The following SLC24A3 variants were observed in gnomAD, a reference collection of about 807,000 sequenced individuals.
SLC24A3 encodes the protein solute carrier family 24 member 3.
Under a neutral mutation model 75.8 loss-of-function variants are expected in SLC24A3, and 28 were observed. The ratio of observed to expected loss-of-function variants is 0.37; its 90% confidence interval spans 0.27 to 0.51. The LOEUF (loss-of-function observed/expected upper bound fraction) is 0.51. Ranked by LOEUF, SLC24A3 falls within the 20% of genes least tolerant of loss-of-function variation. The pLI is 0.94. For missense variants in SLC24A3, 663 were observed against 847.8 expected (o/e 0.78, Z 2.71); for synonymous variants, 372 against 334.1 (o/e 1.11, Z -1.24).
At chr20:19,579,900 T>C (rs907451326) in intron 3 of SLC24A3, 100 bp from the exon 4 acceptor site, 4 of 779,836 alleles carry the variant, frequency 5.1e-6, no homozygotes, top group Non-Finnish European at 8.3e-6. Context: ...GTTGAATTCA[T>C]GATGACAGAA....
At chr20:19,719,617 C>T (rs903626725) in intron 16 of SLC24A3, among the ~76,000 whole-genome samples, 1 of 152,028 alleles carries the variant, frequency 6.6e-6, no homozygotes, top group Admixed American at 6.6e-5. Flanking sequence ...AGACAAGGGA[C>T]TAGGGAAGGA....
intron 15 of SLC24A3, among the ~76,000 whole-genome samples, chr20:19,701,910 G>T (rs780949196): frequency 6.6e-6 from 1 of 152,176 alleles, no homozygotes; most frequent in Non-Finnish European, 1.5e-5. Flanking sequence ...CTCCAGTGAG[G>T]GAGGGACAGG....
intron 2 of SLC24A3, among the ~76,000 whole-genome samples, chr20:19,502,215 G>A (rs1325454716): frequency 2.0e-5 from 3 of 152,116 alleles, no homozygotes; most frequent in Non-Finnish European, 2.9e-5. Context: ...TGGAGCTTGG[G>A]TCCCAGAGCA....
intron 2 of SLC24A3, among the ~76,000 whole-genome samples, chr20:19,415,091 G>A (rs190785670): frequency 1.3e-5 from 2 of 151,878 alleles, no homozygotes; most frequent in East Asian, 1.9e-4. Context: ...TGTGTATATC[G>A]AGCTTTAGAG....
At chr20:19,218,429 C>G (rs578244180) in intron 1 of SLC24A3, among the ~76,000 whole-genome samples, 46 of 152,318 alleles carry the variant, frequency 3.0e-4, no homozygotes, top group Non-Finnish European at 5.9e-4. Context: ...CATGCTGCTG[C>G]GTTTTCCAGC....
chr20:19,519,943 A>G (rs1324807488), intron 3 of SLC24A3, among the ~76,000 whole-genome samples: 2 of 152,164 alleles, frequency 1.3e-5, no homozygotes, highest in Admixed American at 6.5e-5. Context: ...TAAGAGATCA[A>G]ACTCCACAGC....
At chr20:19,480,814 G>A (rs1188341162) in intron 2 of SLC24A3, among the ~76,000 whole-genome samples, 3 of 152,160 alleles carry the variant, frequency 2.0e-5, no homozygotes, top group Non-Finnish European at 2.9e-5. Flanking sequence ...GAATATTTGG[G>A]TCCTGGGACA....
intron 1 of SLC24A3, among the ~76,000 whole-genome samples, chr20:19,254,133 G>A (rs983441569): frequency 5.3e-5 from 8 of 152,156 alleles, no homozygotes; most frequent in Admixed American, 3.9e-4. Context: ...AAATAATCAC[G>A]CCTGTGCCCA....
intron 8 of SLC24A3, among the ~76,000 whole-genome samples, chr20:19,668,730 G>A (rs1270528834): frequency 6.6e-6 from 1 of 152,154 alleles, no homozygotes; most frequent in Non-Finnish European, 1.5e-5. Flanking sequence ...AGTTAGTCAG[G>A]ATTGATTTTA....
At chr20:19,375,242 G>A (rs945427333) in intron 2 of SLC24A3, among the ~76,000 whole-genome samples, 5 of 152,160 alleles carry the variant, frequency 3.3e-5, no homozygotes, top group East Asian at 1.9e-4. Context: ...GTAAAAGTTC[G>A]CCAGGCTCCT....
intron 6 of SLC24A3, among the ~76,000 whole-genome samples, chr20:19,640,952 T>C (rs1021214294): frequency 7.2e-5 from 11 of 152,230 alleles, no homozygotes; most frequent in Non-Finnish European, 1.0e-4. Flanking sequence ...TTGACTTAAA[T>C]ATTTTATTAT....
chr20:19,341,762 G>C (rs1303645691), intron 2 of SLC24A3, among the ~76,000 whole-genome samples: 3 of 152,110 alleles, frequency 2.0e-5, no homozygotes, highest in Admixed American at 6.6e-5. Flanking sequence ...CTCTGTCTCA[G>C]TTCTTCATTC....
At chr20:19,414,750 G>A (rs1288757301) in intron 2 of SLC24A3, among the ~76,000 whole-genome samples, 1 of 152,040 alleles carries the variant, frequency 6.6e-6, no homozygotes, top group Non-Finnish European at 1.5e-5. Context: ...CTCTCAGAGA[G>A]GCCCTCAGTC....
intron 6 of SLC24A3, among the ~76,000 whole-genome samples, chr20:19,650,822 T>C (rs1001261976): frequency 6.6e-6 from 1 of 152,226 alleles, no homozygotes; most frequent in African/African-American, 2.4e-5. Flanking sequence ...TTGTCTTTTT[T>C]ATTGTTTGCT....
chr20:19,445,645 C>T (rs757673042), intron 2 of SLC24A3, among the ~76,000 whole-genome samples: 5 of 152,108 alleles, frequency 3.3e-5, no homozygotes, highest in African/African-American at 4.8e-5. Context: ...GATATTCATC[C>T]GCAACACCCA....
chr20:19,403,157 C>A (rs754716744), intron 2 of SLC24A3, among the ~76,000 whole-genome samples: 44 of 152,016 alleles, frequency 2.9e-4, no homozygotes, highest in Non-Finnish European at 6.0e-4. Context: ...GGGGAAGGGC[C>A]AGTGTCACAA....
At chr20:19,295,094 A>G (rs903291205) in intron 2 of SLC24A3, among the ~76,000 whole-genome samples, 9 of 152,204 alleles carry the variant, frequency 5.9e-5, no homozygotes, top group Non-Finnish European at 1.3e-4. Flanking sequence ...TTGGCCGTAC[A>G]AATGTCTTCT....
At chr20:19,315,502 A>G (rs963392970) in intron 2 of SLC24A3, among the ~76,000 whole-genome samples, 1 of 137,994 alleles carries the variant, frequency 7.2e-6, no homozygotes, top group African/African-American at 2.5e-5. Context: ...AGAAAGTCTT[A>G]GAAAGCTAAG....
chr20:19,389,607 C>T (rs1200181886), intron 2 of SLC24A3, among the ~76,000 whole-genome samples: 1 of 152,112 alleles, frequency 6.6e-6, no homozygotes, highest in Non-Finnish European at 1.5e-5. Context: ...GTCTAACAGA[C>T]ATTCCCTTGT....
Sources: allele counts gnomAD v4.1 joint callset (sites outside exome capture counted in the v4.1 genomes callset), GRCh38; gene constraint gnomAD v4.1.1; transcripts MANE v1.5; gene names NCBI Gene and HGNC (gene_info 2026-07-23, HGNC 2026-07-21).